Variants in CDH8 observed in about 807,000 individuals in gnomAD.
CDH8 encodes cadherin 8, also known as cadherin-8.
In CDH8, 17 loss-of-function variants were observed where a neutral mutation model predicts 68.1. The observed-to-expected ratio is 0.25, with a 90% CI of 0.17 to 0.37. The LOEUF (loss-of-function observed/expected upper bound fraction) is 0.37, where lower values mean the gene tolerates loss of function less well. Ranked by LOEUF, CDH8 falls within the 10% of genes least tolerant of loss-of-function variation. The pLI is 1.00. For synonymous variants in CDH8, 372 were observed against 365.1 expected, an observed-to-expected ratio of 1.02 and a Z score of -0.21; for missense variants, 763 against 999.3, an observed-to-expected ratio of 0.76 and a Z score of 3.19.
chr16:61,723,794 T>C (rs750448221), intron 9 of CDH8, among the ~76,000 whole-genome samples: 10 of 149,876 alleles, frequency 6.7e-5, no homozygotes, highest in Non-Finnish European at 1.0e-4. Flanking sequence ...ACATTCCCAT[T>C]TTTGCCATGG....
intron 2 of CDH8, among the ~76,000 whole-genome samples, chr16:61,994,201 A>G (rs75202576): frequency 0.012 from 1,839 of 152,158 alleles, 43 homozygotes; most frequent in African/African-American, 0.042. Flanking sequence ...ATTCACTCTT[A>G]CCCTTTCCTC....
At chr16:61,710,271 A>G (rs1964607077) in intron 10 of CDH8, among the ~76,000 whole-genome samples, 1 of 152,052 alleles carries the variant, frequency 6.6e-6, no homozygotes, top group Non-Finnish European at 1.5e-5. Context: ...ATACTTCCAG[A>G]AGATAAAAAT....
Position 62,021,518 on chromosome 16 carries a change from C to G in CDH8, c.-115G>C, listed in dbSNP as rs1240757362. On this transcript the variant is annotated 5_prime_UTR_variant, in exon 2 of 12. Coordinates refer to ENST00000577390, the MANE Select transcript of CDH8 (RefSeq NM_001796.5). ...CGAGCATTTACTTACAGCTCTGCCACGTGTCTATAGCACGGGAAACAGACA... is the reference window on the plus strand; with the variant it reads ...CGAGCATTTACTTACAGCTCTGCCAGGTGTCTATAGCACGGGAAACAGACA... 6.7e-7 allele frequency: 1 copy of G among 1,489,554 alleles called. No individual in the cohort carries two copies. Among genetic ancestry groups the G allele is most frequent in the Non-Finnish European group, 8.9e-7 (1 of 1,125,338 alleles). 92.3% of individuals were successfully genotyped at this position (1,489,554 alleles called of 1,614,324 possible). A position where few individuals can be genotyped will look rare whatever the true frequency, so the allele number is the denominator to read the frequency against.
chr16:61,765,011 A>G (rs1960552812), intron 8 of CDH8, among the ~76,000 whole-genome samples: 1 of 152,074 alleles, frequency 6.6e-6, no homozygotes, highest in African/African-American at 2.4e-5. Flanking sequence ...TGTTTCAAGA[A>G]TTAATGAAAT....
chr16:61,737,560 G>A (rs1306073392), intron 8 of CDH8, among the ~76,000 whole-genome samples: 1 of 151,976 alleles, frequency 6.6e-6, no homozygotes, highest in African/African-American at 2.4e-5. Context: ...GACTAAAGAC[G>A]AAACTTTTTG....
chr16:61,991,931 C>T (rs1965728297), intron 2 of CDH8, among the ~76,000 whole-genome samples: 1 of 152,086 alleles, frequency 6.6e-6, no homozygotes, highest in South Asian at 2.1e-4. Context: ...AAGCAAGTTG[C>T]TCTGATCAGA....
Position 61,964,486 on chromosome 16 carries a change from A to T in CDH8, c.252+56666T>A, listed in dbSNP as rs1965212851. Among the ~76,000 whole-genome samples the T allele has an allele frequency of 2.0e-5, 3 of 152,100 alleles. No homozygotes were observed. The South Asian group carries it at 6.2e-4, about 32-fold the overall frequency. ...AACCGGAAGGAGAGAAAACCCAGGC[A>T]TACATGATGAGAACGTGCAGGCTCC... On this transcript the variant is annotated intron_variant, in intron 2 of 11. Coordinates refer to ENST00000577390, the MANE Select transcript of CDH8 (RefSeq NM_001796.5).
At position 61,652,938 on chromosome 16, in the gene CDH8, C is replaced by T; in HGVS notation, c.*670G>A. On this transcript the variant is annotated 3_prime_UTR_variant, in exon 12 of 12. Transcript: ENST00000577390. ...TGTTTGAATGGGATTTCTCTCCTCC[C>T]ACCACTGAATTGGCAAGCCCCACCC... 1 of 1,527,484 alleles carries T rather than the reference C, an allele frequency of 6.5e-7. No individual in the cohort carries two copies. The highest frequency in any genetic ancestry group is 8.7e-7 in the Non-Finnish European group (1 of 1,143,050). 94.6% of individuals were successfully genotyped at this position (1,527,484 alleles called of 1,614,324 possible).
chr16:61,932,218 A>AAAAAGAAAAGAAAAG (rs1555522372), intron 2 of CDH8, among the ~76,000 whole-genome samples: 7 of 146,864 alleles, frequency 4.8e-5, no homozygotes, highest in African/African-American at 1.5e-4. Flanking sequence ...AAAAAAAAAA[A>AAAAAGAAAAGAAAAG]AAAAGAAAAG....
chr16:61,770,874 T>C (rs1233255335), intron 8 of CDH8, among the ~76,000 whole-genome samples: 1 of 151,890 alleles, frequency 6.6e-6, no homozygotes, highest in East Asian at 1.9e-4. Context: ...CTAGGATAGG[T>C]GGGCAAAAAA....
At chr16:61,953,238 C>T (rs917558030) in intron 2 of CDH8, among the ~76,000 whole-genome samples, 16 of 152,064 alleles carry the variant, frequency 1.1e-4, no homozygotes, top group African/African-American at 3.9e-4. Context: ...TAAGACAGAG[C>T]TCAAGGGTAG....
intron 2 of CDH8, among the ~76,000 whole-genome samples, chr16:61,972,163 C>G (rs1965350673): frequency 6.6e-6 from 1 of 151,970 alleles, no homozygotes; most frequent in South Asian, 2.1e-4. Context: ...TAAGAGTTCC[C>G]CTGCACAAGC....
intron 4 of CDH8, among the ~76,000 whole-genome samples, chr16:61,852,852 C>CCCTTCCTTCCTT (rs138549766): frequency 0.03 from 4,001 of 133,086 alleles, 138 homozygotes; most frequent in African/African-American, 0.053. Flanking sequence ...CCTGACTCTG[C>CCCTTCCTTCCTT]CCTTCCTTCC....
chr16:61,784,004 G>A (rs991359733), intron 8 of CDH8, among the ~76,000 whole-genome samples: 16 of 152,180 alleles, frequency 1.1e-4, no homozygotes, highest in Admixed American at 3.9e-4. Context: ...AAAGACCATC[G>A]AGGCTAGGAA....
intron 7 of CDH8, among the ~76,000 whole-genome samples, chr16:61,793,041 G>T (rs938768077): frequency 2.6e-5 from 4 of 151,862 alleles, no homozygotes; most frequent in Non-Finnish European, 5.9e-5. Context: ...TTCAGGAGGT[G>T]ATTAGGATGT....
chr16:61,813,796 C>G (rs922224412), intron 7 of CDH8, among the ~76,000 whole-genome samples: 1 of 152,048 alleles, frequency 6.6e-6, no homozygotes, highest in South Asian at 2.1e-4. Context: ...ATAATGACTC[C>G]ACATATATAT....
At chr16:61,729,906 A>G (rs942954609) in intron 8 of CDH8, among the ~76,000 whole-genome samples, 21 of 151,480 alleles carry the variant, frequency 1.4e-4, no homozygotes, top group African/African-American at 4.1e-4. Context: ...AGATTCAGAT[A>G]CACTGACAAT....
chr16:61,714,617 G>A (rs904939052), intron 9 of CDH8, among the ~76,000 whole-genome samples: 2 of 151,484 alleles, frequency 1.3e-5, no homozygotes, highest in Non-Finnish European at 3.0e-5. Flanking sequence ...ACTTGGAATC[G>A]GTGCTTATTA....
At chr16:61,712,746 A>G (rs575539988) in intron 10 of CDH8, among the ~76,000 whole-genome samples, 171 of 151,806 alleles carry the variant, frequency 1.1e-3, no homozygotes, top group Admixed American at 1.9e-3. Flanking sequence ...AATTAGTAAT[A>G]TCTATATAAC....
Sources: gnomAD v4.1 joint callset for allele counts (sites outside exome capture counted in the v4.1 genomes callset) on GRCh38, gnomAD v4.1.1 for gene constraint, MANE v1.5 for transcripts, NCBI Gene and HGNC (gene_info 2026-07-23, HGNC 2026-07-21) for gene names.